DGKB: variants seen among roughly 807,000 people sequenced by gnomAD.
The protein encoded by DGKB is 90 kDa diacylglycerol kinase.
A neutral mutation model predicts 114.3 loss-of-function variants in DGKB; 67 were observed. That is an observed-to-expected ratio of 0.59 (90% CI 0.48 to 0.72). The LOEUF is 0.72. Among genes scored for constraint, DGKB ranks in the 30% least tolerant of loss-of-function variants. DGKB has a pLI of 0.00. For missense variants in DGKB, 907 were observed against 975.2 expected, an observed-to-expected ratio of 0.93 and a Z score of 0.93; for synonymous variants, 398 against 323.1, an observed-to-expected ratio of 1.23 and a Z score of -2.49.
chr7:14,645,685 T>C (rs2128883847), intron 13 of DGKB, among the ~76,000 whole-genome samples: 1 of 151,082 alleles, frequency 6.6e-6, no homozygotes, highest in Non-Finnish European at 1.5e-5. Context: ...AGATGATATA[T>C]TCAAAATGCT....
chr7:14,610,484 C>A (rs987681510), intron 16 of DGKB, among the ~76,000 whole-genome samples: 3 of 151,864 alleles, frequency 2.0e-5, no homozygotes, highest in African/African-American at 4.8e-5. Flanking sequence ...ACATGTACCT[C>A]CTGTATCTAA....
intron 1 of DGKB, among the ~76,000 whole-genome samples, chr7:14,973,581 G>T (rs1787621167): frequency 1.4e-5 from 2 of 142,738 alleles, no homozygotes; most frequent in African/African-American, 5.1e-5. Flanking sequence ...AATACACTCA[G>T]AACAACACAC....
intron 23 of DGKB, among the ~76,000 whole-genome samples, chr7:14,218,122 T>G (rs1275122540): frequency 1.3e-5 from 2 of 152,126 alleles, no homozygotes; most frequent in African/African-American, 4.8e-5. Context: ...TCATAACACT[T>G]AAGCCTTCAA....
At chr7:14,796,620 A>G (rs1468877022) in intron 2 of DGKB, among the ~76,000 whole-genome samples, 1 of 152,154 alleles carries the variant, frequency 6.6e-6, no homozygotes, top group African/African-American at 2.4e-5. Flanking sequence ...GAACTGCTCA[A>G]AAGCAAAGAT....
intron 21 of DGKB, among the ~76,000 whole-genome samples, chr7:14,361,410 A>T (rs922845865): frequency 2.0e-5 from 3 of 152,058 alleles, no homozygotes; most frequent in Non-Finnish European, 4.4e-5. Context: ...ATAGTTTAAC[A>T]CATAAATCAG....
chr7:14,382,113 C>A (rs1416144058), intron 21 of DGKB, among the ~76,000 whole-genome samples: 1 of 152,052 alleles, frequency 6.6e-6, no homozygotes, highest in Non-Finnish European at 1.5e-5. Context: ...AGGTTCACCT[C>A]TGATAGGCTG....
intron 23 of DGKB, among the ~76,000 whole-genome samples, chr7:14,215,489 A>G (rs919370518): frequency 1.3e-5 from 2 of 152,114 alleles, no homozygotes; most frequent in Admixed American, 6.6e-5. Context: ...ATGTATTCCA[A>G]ATAATAATAA....
intron 23 of DGKB, among the ~76,000 whole-genome samples, chr7:14,273,249 G>C (rs1278374228): frequency 6.6e-6 from 1 of 152,136 alleles, no homozygotes; most frequent in Non-Finnish European, 1.5e-5. Context: ...AGGAGGCTGA[G>C]GTGGGAGGAT....
chr7:14,415,267 T>C (rs1465495261), intron 21 of DGKB, among the ~76,000 whole-genome samples: 1 of 149,190 alleles, frequency 6.7e-6, no homozygotes, highest in Admixed American at 6.9e-5. Flanking sequence ...TACATATTTT[T>C]AAATTTTAGT....
chr7:14,865,968 A>C (rs1447299365), intron 1 of DGKB, among the ~76,000 whole-genome samples: 1 of 152,198 alleles, frequency 6.6e-6, no homozygotes, highest in Non-Finnish European at 1.5e-5. Context: ...TTCACTGTAT[A>C]ACCAAAGACA....
intron 21 of DGKB, among the ~76,000 whole-genome samples, chr7:14,413,756 A>G (rs1240993588): frequency 6.6e-6 from 1 of 152,182 alleles, no homozygotes; most frequent in Non-Finnish European, 1.5e-5. Flanking sequence ...CACCCAGGGC[A>G]AGAGTGATGA....
At chr7:14,922,605 C>T (rs970650773) in intron 1 of DGKB, among the ~76,000 whole-genome samples, 1 of 151,958 alleles carries the variant, frequency 6.6e-6, no homozygotes, top group Non-Finnish European at 1.5e-5. Flanking sequence ...AGCATATATA[C>T]TTGCTTCATT....
At chr7:14,218,020 A>C (rs1376477653) in intron 23 of DGKB, among the ~76,000 whole-genome samples, 1 of 152,168 alleles carries the variant, frequency 6.6e-6, no homozygotes, top group Non-Finnish European at 1.5e-5. Context: ...TGCAAATATT[A>C]GCTTTCATTT....
chr7:14,480,498 G>C (rs1563282759), intron 20 of DGKB, among the ~76,000 whole-genome samples: 1 of 152,036 alleles, frequency 6.6e-6, no homozygotes, highest in African/African-American at 2.4e-5. Flanking sequence ...GGGCTTGATA[G>C]AGTACTGCCA....
At chr7:14,189,652 T>C (rs1283348816) in intron 23 of DGKB, among the ~76,000 whole-genome samples, 1 of 152,018 alleles carries the variant, frequency 6.6e-6, no homozygotes, top group African/African-American at 2.4e-5. Context: ...CCCAACTATA[T>C]ACTACCTAAA....
intron 21 of DGKB, among the ~76,000 whole-genome samples, chr7:14,393,078 C>T (rs547747544): frequency 6.9e-6 from 1 of 145,358 alleles, no homozygotes; most frequent in Admixed American, 7.2e-5. Flanking sequence ...AAGCTCTGCC[C>T]CCTGGGGTTC....
At chr7:14,699,022 G>A (rs1368428243) in intron 7 of DGKB, among the ~76,000 whole-genome samples, 3 of 151,926 alleles carry the variant, frequency 2.0e-5, no homozygotes, top group Non-Finnish European at 2.9e-5. Flanking sequence ...TCTAATATAT[G>A]TAGTCGATGT....
At chr7:14,761,749 G>C (rs1835726718) in intron 2 of DGKB, among the ~76,000 whole-genome samples, 1 of 152,198 alleles carries the variant, frequency 6.6e-6, no homozygotes. Flanking sequence ...CAGGCAGGCA[G>C]CTGTGAGCTT....
At chr7:14,317,515 T>C (rs2128522466) in intron 23 of DGKB, among the ~76,000 whole-genome samples, 1 of 151,948 alleles carries the variant, frequency 6.6e-6, no homozygotes, top group African/African-American at 2.4e-5. Context: ...AGCCAAATCA[T>C]GAGTGAACTC....
Sources: gnomAD v4.1 joint callset for allele counts (sites outside exome capture counted in the v4.1 genomes callset) on GRCh38, gnomAD v4.1.1 for gene constraint, MANE v1.5 for transcripts, NCBI Gene and HGNC (gene_info 2026-07-23, HGNC 2026-07-21) for gene names.